Variants in PLCE1 observed in about 807,000 individuals in gnomAD.
PLCE1 encodes the protein 1-phosphatidylinositol 4,5-bisphosphate phosphodiesterase epsilon-1.
A neutral mutation model predicts 242.8 loss-of-function variants in PLCE1; 119 were observed. The ratio of observed to expected loss-of-function variants is 0.49; its 90% CI spans 0.42 to 0.57. The LOEUF (loss-of-function observed/expected upper bound fraction) is 0.57, where lower values mean the gene tolerates loss of function less well. Among genes scored for constraint, PLCE1 ranks in the 20% least tolerant of loss-of-function variants. PLCE1 has a pLI of 0.00. For missense variants in PLCE1, 2,441 were observed against 2,788.8 expected (o/e 0.88, Z 2.81); for synonymous variants, 945 against 1,017.4 (o/e 0.93, Z 1.35).
chr10:94,171,767 C>T (rs535215240), intron 4 of PLCE1, among the ~76,000 whole-genome samples: 1 of 152,196 alleles, frequency 6.6e-6, no homozygotes, highest in Admixed American at 6.5e-5. Context: ...CTTTGGGCAC[C>T]CAGAATGCCA....
chr10:94,213,630 C>T (rs2049418313), intron 4 of PLCE1, among the ~76,000 whole-genome samples: 2 of 152,152 alleles, frequency 1.3e-5, no homozygotes, highest in Admixed American at 1.3e-4. Context: ...GCCCCTTTTC[C>T]TCTGCCTCTC....
Position 94,029,989 on chromosome 10 carries a change from G to A in PLCE1, c.-364-694G>A, listed in dbSNP as rs143486058. On this transcript the variant is annotated intron_variant, in intron 1 of 32. Transcript: ENST00000371380. ...CCTCTCTCTACTAACAGAGTTACAA[G>A]CAGTGCAGGCTTGTTAGTGATAAGT... is the stretch of plus-strand genomic sequence containing the variant. Among the ~76,000 whole-genome samples the A allele has an allele frequency of 5.2e-3, 787 of 152,258 alleles. 6 individuals are homozygous for A. Among genetic ancestry groups the A allele is most frequent in the African/African-American group, 0.017 (720 of 41,558 alleles).
intron 3 of PLCE1, among the ~76,000 whole-genome samples, chr10:94,134,186 T>C (rs1201637852): frequency 4.0e-5 from 6 of 151,802 alleles, no homozygotes; most frequent in African/African-American, 1.5e-4. Flanking sequence ...CTGCAGCCTC[T>C]GCCTCCCAAG....
chr10:94,289,138 A>G (rs780953966), intron 22 of PLCE1, among the ~76,000 whole-genome samples: 2 of 152,174 alleles, frequency 1.3e-5, no homozygotes, highest in Non-Finnish European at 2.9e-5. Flanking sequence ...ACTGAGAGGT[A>G]GCCCTGTTCA....
chr10:94,278,294 T>A (rs777805437), intron 19 of PLCE1, among the ~76,000 whole-genome samples: 14 of 152,128 alleles, frequency 9.2e-5, no homozygotes, highest in Non-Finnish European at 1.0e-4. Context: ...TGGAAAAAAA[T>A]TACATCTTTA....
intron 1 of PLCE1, among the ~76,000 whole-genome samples, chr10:94,002,519 A>T (rs1482139001): frequency 6.6e-6 from 1 of 152,248 alleles, no homozygotes; most frequent in Non-Finnish European, 1.5e-5. Context: ...GGAGATACTC[A>T]TTTTTAAAAA....
At chr10:94,014,878 A>G (rs1186938983) in intron 1 of PLCE1, among the ~76,000 whole-genome samples, 1 of 152,250 alleles carries the variant, frequency 6.6e-6, no homozygotes, top group East Asian at 1.9e-4. Flanking sequence ...GGATAGTTTT[A>G]CCAAGTCCCC....
intron 27 of PLCE1, 143 bp downstream of exon 27, chr10:94,308,842 C>T: frequency 1.3e-6 from 1 of 753,632 alleles, no homozygotes; most frequent in East Asian, 2.5e-5. Flanking sequence ...TGACACTTGG[C>T]ACTGACTAAG....
chr10:94,144,993 C>A (rs1295114661), intron 3 of PLCE1, among the ~76,000 whole-genome samples: 2 of 152,170 alleles, frequency 1.3e-5, no homozygotes, highest in East Asian at 3.9e-4. Flanking sequence ...GCTGTAGAAG[C>A]AATGGGAAGC....
In PLCE1 at chr10:94,324,443, AC is replaced by A. The variant is rs2053935687; in HGVS notation, c.6597del (p.Asn2199LysfsTer37). ...GAAGAGGTGGTGAAAGACACTACCAACAAGAAGACTACCACACCAAAGTCCT... is the reference window on the plus strand; with the variant it reads ...GAAGAGGTGGTGAAAGACACTACCAAAAGAAGACTACCACACCAAAGTCCT... ...LLEEVVKDTT[N>X]KKTTTPKSSQ... On this transcript the variant is annotated frameshift_variant, in exon 31 of 33. Transcript: ENST00000371380. LOFTEE classifies it high-confidence loss of function. 2 of 1,614,170 alleles carry A rather than the reference AC, an allele frequency of 1.2e-6. No individual in the cohort carries two copies. Among genetic ancestry groups the A allele is most frequent in the Non-Finnish European group, 1.7e-6 (2 of 1,179,986 alleles).
chr10:94,265,256 A>G (rs1414917145), intron 14 of PLCE1, among the ~76,000 whole-genome samples: 1 of 152,238 alleles, frequency 6.6e-6, no homozygotes, highest in African/African-American at 2.4e-5. Context: ...AGTGCTCATT[A>G]TGATTTTACT....
At chr10:94,264,693 T>G (rs1304966141) in intron 14 of PLCE1, among the ~76,000 whole-genome samples, 1 of 151,940 alleles carries the variant, frequency 6.6e-6, no homozygotes, top group East Asian at 1.9e-4. Context: ...AGCTAATTTT[T>G]GTATTTTTAC....
At chr10:94,179,936 CAA>C (rs5787102) in intron 4 of PLCE1, among the ~76,000 whole-genome samples, 12 of 113,606 alleles carry the variant, frequency 1.1e-4, no homozygotes, top group African/African-American at 3.3e-4. Flanking sequence ...TGTTAGTTCC[CAA>C]AAAAAAAAAA....
intron 4 of PLCE1, chr10:94,225,082 T>G (rs544601095): frequency 6.6e-6 from 1 of 152,418 alleles, no homozygotes; most frequent in South Asian, 2.1e-4. Flanking sequence ...CAGCACGTTT[T>G]GCTTCAGTCT....
chr10:94,164,523 A>G (rs1400960872), intron 3 of PLCE1, among the ~76,000 whole-genome samples: 1 of 152,102 alleles, frequency 6.6e-6, no homozygotes, highest in Non-Finnish European at 1.5e-5. Flanking sequence ...TGGTTATTCT[A>G]GTTAGCTATT....
intron 2 of PLCE1, among the ~76,000 whole-genome samples, chr10:94,063,306 T>G (rs1054715685): frequency 3.9e-5 from 6 of 152,184 alleles, no homozygotes; most frequent in African/African-American, 1.4e-4. Context: ...TTCTCGTCGC[T>G]CTGTTCTGAG....
intron 4 of PLCE1, among the ~76,000 whole-genome samples, chr10:94,218,307 T>A (rs1187126548): frequency 6.6e-6 from 1 of 152,150 alleles, no homozygotes; most frequent in East Asian, 1.9e-4. Flanking sequence ...CCAGATGACA[T>A]CTTAGTGATT....
intron 4 of PLCE1, among the ~76,000 whole-genome samples, chr10:94,179,940 A>ACCC (rs1411840114): frequency 2.0e-5 from 3 of 152,110 alleles, no homozygotes; most frequent in African/African-American, 7.2e-5. Context: ...AGTTCCCAAA[A>ACCC]AAAAAAAAAA....
intron 2 of PLCE1, among the ~76,000 whole-genome samples, chr10:94,092,553 C>T (rs933425902): frequency 2.0e-5 from 3 of 151,860 alleles, no homozygotes; most frequent in African/African-American, 7.3e-5. Context: ...CTAGAAAGCC[C>T]AGTAAAAAAG....
Sources: gnomAD v4.1 joint callset for allele counts (sites outside exome capture counted in the v4.1 genomes callset) on GRCh38, gnomAD v4.1.1 for gene constraint, MANE v1.5 for transcripts, NCBI Gene and HGNC (gene_info 2026-07-23, HGNC 2026-07-21) for gene names.